ERC2: variants seen among roughly 807,000 people sequenced by gnomAD.
The protein encoded by ERC2 is ELKS/RAB6-interacting/CAST family member 2, also known as ERC protein 2.
ERC2 carries 42 observed loss-of-function variants against 114.8 expected under a neutral mutation model. The observed-to-expected ratio is 0.37, with a 90% CI of 0.29 to 0.47. ERC2 has a LOEUF of 0.47. ERC2 is among the 20% of genes least tolerant of loss of function. The pLI is 0.99. For synonymous variants in ERC2, 454 were observed against 425.5 expected (o/e 1.07, Z -0.82); for missense variants, 939 against 1,150.7 (o/e 0.82, Z 2.66).
intron 13 of ERC2, among the ~76,000 whole-genome samples, chr3:55,919,698 CAGA>C (rs1218115427): frequency 6.6e-6 from 1 of 152,070 alleles, no homozygotes; most frequent in East Asian, 1.9e-4. Flanking sequence ...AATAATAAAG[CAGA>C]AGAAGGAGAT....
chr3:56,360,444 T>C (rs2058912599), intron 2 of ERC2, among the ~76,000 whole-genome samples: 1 of 152,086 alleles, frequency 6.6e-6, no homozygotes. Flanking sequence ...TATTGTCTAA[T>C]GGGAAGGAAA....
intron 1 of ERC2, among the ~76,000 whole-genome samples, chr3:56,442,289 C>T (rs1033955423): frequency 2.0e-5 from 3 of 152,142 alleles, no homozygotes; most frequent in South Asian, 2.1e-4. Context: ...GGAGCGAACT[C>T]GCCTCACTGC....
At chr3:56,086,744 T>C (rs143350349) in intron 6 of ERC2, among the ~76,000 whole-genome samples, 18 of 152,248 alleles carry the variant, frequency 1.2e-4, no homozygotes, top group Non-Finnish European at 2.4e-4. Flanking sequence ...TATCAATGAC[T>C]GAAATTAAAG....
intron 3 of ERC2, among the ~76,000 whole-genome samples, chr3:56,202,613 A>G (rs1342655258): frequency 6.6e-6 from 1 of 152,018 alleles, no homozygotes. Flanking sequence ...TAATATAGAT[A>G]TACATTGTGA....
chr3:55,627,035 C>A (rs1414910950), intron 17 of ERC2, among the ~76,000 whole-genome samples: 1 of 152,246 alleles, frequency 6.6e-6, no homozygotes, highest in Admixed American at 6.5e-5. Context: ...AGCACAACCT[C>A]TATCCCACTG....
At chr3:56,270,293 C>A (rs749268118) in intron 3 of ERC2, among the ~76,000 whole-genome samples, 10 of 152,138 alleles carry the variant, frequency 6.6e-5, no homozygotes, top group Non-Finnish European at 1.0e-4. Flanking sequence ...AATGATCAAA[C>A]CTGAAGAATT....
intron 13 of ERC2, among the ~76,000 whole-genome samples, chr3:55,917,926 G>T (rs956635316): frequency 7.9e-5 from 12 of 151,942 alleles, no homozygotes; most frequent in Admixed American, 2.6e-4. Flanking sequence ...TGCTAATTGA[G>T]AGTTGCCTTG....
intron 15 of ERC2, among the ~76,000 whole-genome samples, chr3:55,710,175 A>G (rs2063705756): frequency 6.6e-6 from 1 of 151,988 alleles, no homozygotes; most frequent in South Asian, 2.1e-4. Flanking sequence ...ATTTAGTTCT[A>G]TGAGGAGTCA....
intron 4 of ERC2, among the ~76,000 whole-genome samples, chr3:56,170,331 C>A (rs2150014378): frequency 6.6e-6 from 1 of 152,226 alleles, no homozygotes; most frequent in South Asian, 2.1e-4. Flanking sequence ...CCAAGGTTCA[C>A]CCCAGAAAAA....
intron 2 of ERC2, among the ~76,000 whole-genome samples, chr3:56,409,926 T>C (rs1323649725): frequency 6.6e-6 from 1 of 152,214 alleles, no homozygotes; most frequent in Non-Finnish European, 1.5e-5. Context: ...CAAGAATCAC[T>C]ATCCCCATTT....
At chr3:56,011,943 A>G (rs764159142) in intron 8 of ERC2, among the ~76,000 whole-genome samples, 11 of 152,222 alleles carry the variant, frequency 7.2e-5, no homozygotes, top group Non-Finnish European at 1.2e-4. Flanking sequence ...AATAATTTAT[A>G]TATCTAATGC....
At chr3:56,043,208 G>T (rs2075286192) in intron 7 of ERC2, among the ~76,000 whole-genome samples, 1 of 152,064 alleles carries the variant, frequency 6.6e-6, no homozygotes, top group Admixed American at 6.6e-5. Flanking sequence ...AAAACCTGAA[G>T]ACCTATCAAA....
intron 2 of ERC2, among the ~76,000 whole-genome samples, chr3:56,395,037 A>G (rs2060256298): frequency 6.9e-6 from 1 of 144,396 alleles, no homozygotes; most frequent in South Asian, 2.1e-4. Context: ...AAAACATCAC[A>G]CTAAGTAAAA....
chr3:55,537,195 C>A (rs1475564022), intron 17 of ERC2, among the ~76,000 whole-genome samples: 1 of 152,128 alleles, frequency 6.6e-6, no homozygotes, highest in Non-Finnish European at 1.5e-5. Flanking sequence ...GGCCACATTT[C>A]CACAAGAAGT....
intron 15 of ERC2, among the ~76,000 whole-genome samples, chr3:55,726,141 G>A (rs2064901025): frequency 6.6e-6 from 1 of 152,138 alleles, no homozygotes; most frequent in Non-Finnish European, 1.5e-5. Flanking sequence ...TCTACCGGTG[G>A]GACACAAACA....
At chr3:55,758,061 T>TA (rs897202117) in intron 14 of ERC2, among the ~76,000 whole-genome samples, 4 of 151,976 alleles carry the variant, frequency 2.6e-5, no homozygotes, top group Admixed American at 2.6e-4. Context: ...ATTAATGACT[T>TA]AAAAAAAATT....
chr3:55,583,716 G>A (rs1029201566), intron 17 of ERC2, among the ~76,000 whole-genome samples: 2 of 151,572 alleles, frequency 1.3e-5, no homozygotes, highest in Non-Finnish European at 1.5e-5. Flanking sequence ...GTGGAAGCTG[G>A]GGGATCTGCT....
rs140199310 is a variant in ERC2, at chr3:55,644,564, T to C, written c.*39+39230A>G. On this transcript the variant is annotated intron_variant, in intron 17 of 17. Coordinates refer to ENST00000288221, the MANE Select transcript of ERC2 (RefSeq NM_015576.3). ...AATATTACATGCCCCATATGGTCAC[T>C]GTCAGGGACAAAAAAGGCTGAAAAT... 4.1e-3 allele frequency among the ~76,000 whole-genome samples: 624 copies of C among 152,230 alleles called. 6 individuals are homozygous for C. Among genetic ancestry groups the C allele is most frequent in the African/African-American group, 0.014 (595 of 41,528 alleles).
chr3:56,379,366 C>T (rs1347339096), intron 2 of ERC2, among the ~76,000 whole-genome samples: 1 of 152,200 alleles, frequency 6.6e-6, no homozygotes, highest in Non-Finnish European at 1.5e-5. Context: ...CCAAAATAAC[C>T]TGGTGTAGCT....
Sources: allele counts gnomAD v4.1 joint callset (sites outside exome capture counted in the v4.1 genomes callset), GRCh38; gene constraint gnomAD v4.1.1; transcripts MANE v1.5; gene names NCBI Gene and HGNC (gene_info 2026-07-23, HGNC 2026-07-21).